Variants in LRP2 observed in about 807,000 individuals in gnomAD.
LRP2 encodes the protein low-density lipoprotein receptor-related protein 2.
In LRP2, 172 loss-of-function variants were observed where a neutral mutation model predicts 531.0. The ratio of observed to expected loss-of-function variants is 0.32; its 90% CI spans 0.29 to 0.37. The LOEUF (loss-of-function observed/expected upper bound fraction) is 0.37, where lower values mean the gene tolerates loss of function less well. LRP2 is among the 10% of genes least tolerant of loss of function. The probability of loss-of-function intolerance (pLI) is 1.00; values close to 1 mark genes in which losing one functional copy is unlikely to be tolerated. For synonymous variants in LRP2, 1,992 were observed against 2,027.6 expected, an observed-to-expected ratio of 0.98 and a Z score of 0.47; for missense variants, 5,167 against 5,868.3, an observed-to-expected ratio of 0.88 and a Z score of 3.90.
rs765875054 is a variant in LRP2 at position 169,140,516 on chromosome 2, G to T, written c.13138C>A (p.Pro4380Thr). ...AIELPINLPP[P>T]CRCMHGGNCY... ...TTTCCTCCGTGCATGCACCTGCATG[G>T]GGGGGGCAGGTTGATAGGCAGTTCG... The change falls in exon 72 of 79, where the codon CCA becomes ACA. Residue 4380 changes from proline (P) to threonine (T), a missense_variant. By Grantham distance (38) the Pro-to-Thr change is conservative (BLOSUM62 -1). Transcript: ENST00000649046. 1 of 1,613,848 alleles carries T rather than the reference G, an allele frequency of 6.2e-7. No individual in the cohort carries two copies. The highest frequency in any genetic ancestry group is 8.5e-7 in the Non-Finnish European group (1 of 1,179,780).
intron 13 of LRP2, among the ~76,000 whole-genome samples, chr2:169,277,243 G>A (rs754773080): frequency 2.0e-5 from 3 of 150,126 alleles, no homozygotes; most frequent in Admixed American, 6.6e-5. Flanking sequence ...AAATATTGCT[G>A]TTTAAGTATC....
intron 1 of LRP2, among the ~76,000 whole-genome samples, chr2:169,344,668 G>A (rs1316492213): frequency 2.6e-5 from 4 of 152,102 alleles, no homozygotes; most frequent in African/African-American, 9.7e-5. Context: ...CCCTCATCGA[G>A]TTTTAACTTA....
chr2:169,272,009 C>T (rs926364210), intron 15 of LRP2, among the ~76,000 whole-genome samples: 8 of 152,036 alleles, frequency 5.3e-5, no homozygotes, highest in African/African-American at 1.4e-4. Context: ...TATTAGACAA[C>T]GCACTATTGA....
intron 3 of LRP2, among the ~76,000 whole-genome samples, chr2:169,318,347 C>T (rs968248462): frequency 4.6e-5 from 7 of 151,834 alleles, no homozygotes. Context: ...CTACCTACTT[C>T]CACTCAGTCA....
At chr2:169,182,562 G>T in intron 50 of LRP2, 1 of 1,378,674 alleles carries the variant, frequency 7.3e-7, no homozygotes, top group South Asian at 1.5e-5. Flanking sequence ...AAATACGGGG[G>T]ACACACTTCA....
intron 16 of LRP2, among the ~76,000 whole-genome samples, chr2:169,261,537 A>G (rs974864297): frequency 6.6e-6 from 1 of 151,752 alleles, no homozygotes; most frequent in Non-Finnish European, 1.5e-5. Context: ...AAAAAAAAAG[A>G]ACAATGTAAT....
chr2:169,246,639 A>G, intron 21 of LRP2, 66 bp downstream of exon 21: 2 of 1,570,526 alleles, frequency 1.3e-6, no homozygotes, highest in African/African-American at 1.4e-5. Context: ...GCTTTTATTT[A>G]TTTTCTTTAA....
intron 57 of LRP2, among the ~76,000 whole-genome samples, chr2:169,172,534 T>C (rs1425845650): frequency 6.6e-6 from 1 of 152,210 alleles, no homozygotes; most frequent in African/African-American, 2.4e-5. Context: ...CCAACACACA[T>C]ACTCCAGATG....
At chr2:169,172,240 T>G in intron 57 of LRP2, 106 bp from the exon 58 acceptor site, 1 of 1,317,236 alleles carries the variant, frequency 7.6e-7, no homozygotes, top group Non-Finnish European at 1.1e-6. Context: ...TAGCTCACTC[T>G]TGAAGCTCCC....
intron 1 of LRP2, among the ~76,000 whole-genome samples, chr2:169,339,037 A>G (rs1230167677): frequency 7.2e-5 from 11 of 151,984 alleles, no homozygotes; most frequent in African/African-American, 2.7e-4. Context: ...TTGATTACTG[A>G]TACTATTTTT....
Position 169,225,390 on chromosome 2 carries a change from C to A in LRP2, c.5458G>T (p.Val1820Leu). Reference protein sequence around the residue: ...NRTVFASISMVGPSMNLALDW... With the variant: ...NRTVFASISMLGPSMNLALDW... ...AAGGCCAGGTTCATAGAAGGCCCCA[C>A]CATAGATATAGAAGCAAATACTGTC... Residue 1820 changes from valine to leucine, a missense_variant, in exon 33 of 79, where the codon GTG becomes TTG. Physicochemically the swap from Val to Leu is conservative, Grantham distance 32. Coordinates refer to ENST00000649046, the MANE Select transcript of LRP2 (RefSeq NM_004525.3). 1 of 1,613,964 alleles carries A rather than the reference C, an allele frequency of 6.2e-7. No individual in the cohort carries two copies.
chr2:169,318,218 G>A (rs187785412), intron 3 of LRP2, among the ~76,000 whole-genome samples: 33 of 152,024 alleles, frequency 2.2e-4, no homozygotes, highest in African/African-American at 7.7e-4. Flanking sequence ...CAATGTCCAG[G>A]GATGCCGCAG....
intron 77 of LRP2, among the ~76,000 whole-genome samples, chr2:169,129,996 C>T (rs1342092646): frequency 6.6e-6 from 1 of 152,154 alleles, no homozygotes; most frequent in Non-Finnish European, 1.5e-5. Context: ...GAACACAGGG[C>T]TACAGAAGTA....
chr2:169,273,045 G>T lies in LRP2; in HGVS notation c.1998C>A (p.Asn666Lys), dbSNP rs375874367. 1.9e-5 allele frequency: 30 copies of T among 1,613,520 alleles called. No individual in the cohort carries two copies. Among genetic ancestry groups the T allele is most frequent in the Non-Finnish European group, 2.5e-5 (29 of 1,179,728 alleles). ...CACAGACCTGCTCACAGCCCCCATT[G>T]TTATCTTTACACGGATTGGTAGCTG... ...QPYATNPCKD[N>K]NGGCEQVCVL... Residue 666 changes from asparagine (N) to lysine (K), a missense_variant, in exon 15 of 79, where the codon AAC (asparagine) becomes AAA (lysine). Around this residue, in one of 6 missense-constraint regions of LRP2, gnomAD observed 2,811 missense variants for 3,058.0 expected, o/e 0.92. Coordinates refer to ENST00000649046, the MANE Select transcript of LRP2 (RefSeq NM_004525.3).
intron 16 of LRP2, among the ~76,000 whole-genome samples, chr2:169,266,732 T>G (rs1231571835): frequency 6.6e-6 from 1 of 152,062 alleles, no homozygotes; most frequent in East Asian, 1.9e-4. Flanking sequence ...TAGTCCAGCA[T>G]CCCTGAAGAG....
At chr2:169,283,703 A>T (rs1450389039) in intron 9 of LRP2, among the ~76,000 whole-genome samples, 1 of 152,230 alleles carries the variant, frequency 6.6e-6, no homozygotes, top group Non-Finnish European at 1.5e-5. Flanking sequence ...TCAAGACATC[A>T]AAAATGTCTT....
At chr2:169,278,008 A>AT (rs1191402789) in intron 12 of LRP2, 57 bp from the exon 13 acceptor site, 29 of 1,448,912 alleles carry the variant, frequency 2.0e-5, no homozygotes, top group Middle Eastern at 1.7e-4. Flanking sequence ...TAACCTGGGA[A>AT]TTTTTTTTAA....
At chr2:169,157,259 A>G in intron 64 of LRP2, 112 bp downstream of exon 64, 1 of 1,124,476 alleles carries the variant, frequency 8.9e-7, no homozygotes, top group Non-Finnish European at 1.3e-6. Flanking sequence ...TGAAACCATG[A>G]GTATGGTACC....
chr2:169,287,393 T>G (rs1683886521), intron 9 of LRP2, among the ~76,000 whole-genome samples: 1 of 152,154 alleles, frequency 6.6e-6, no homozygotes, highest in African/African-American at 2.4e-5. Flanking sequence ...ATGGGCAACT[T>G]TGGGACGTGG....
Sources: gnomAD v4.1 joint callset for allele counts (sites outside exome capture counted in the v4.1 genomes callset) on GRCh38, gnomAD v4.1.1 for gene constraint, gnomAD v4.1.1 regional missense constraint, MANE v1.5 for transcripts, NCBI Gene and HGNC (gene_info 2026-07-23, HGNC 2026-07-21) for gene names.